Variants in STAG1 observed in about 807,000 individuals in gnomAD.
STAG1 encodes STAG1 cohesin complex component.
A neutral mutation model predicts 170.9 loss-of-function variants in STAG1; 26 were observed. The ratio of observed to expected loss-of-function variants is 0.15; its 90% CI spans 0.11 to 0.21. STAG1 has a LOEUF of 0.21. Ranked by LOEUF, STAG1 falls within the 10% of genes least tolerant of loss-of-function variation. STAG1 has a pLI of 1.00. For missense variants in STAG1, 964 were observed against 1,509.5 expected (o/e 0.64, Z 5.99); for synonymous variants, 514 against 497.7 (o/e 1.03, Z -0.44).
At chr3:136,485,307 A>G (rs141439375) in intron 9 of STAG1, among the ~76,000 whole-genome samples, 13,178 of 152,000 alleles carry the variant, frequency 0.087, 1,878 homozygotes, top group African/African-American at 0.3. Flanking sequence ...AATACAAAAA[A>G]TTAGCTGGGC....
At chr3:136,568,034 G>A (rs1244806792) in intron 5 of STAG1, among the ~76,000 whole-genome samples, 1 of 151,766 alleles carries the variant, frequency 6.6e-6, no homozygotes, top group Non-Finnish European at 1.5e-5. Flanking sequence ...GTGGTGCTCT[G>A]TAAATATTTG....
At chr3:136,615,447 A>AG (rs1939540859) in intron 3 of STAG1, among the ~76,000 whole-genome samples, 1 of 148,972 alleles carries the variant, frequency 6.7e-6, no homozygotes, top group East Asian at 1.9e-4. Flanking sequence ...AAAAAAAAAA[A>AG]AAAAGGAGTG....
intron 21 of STAG1, 64 bp downstream of exon 21, chr3:136,417,821 A>G (rs774812394): frequency 3.3e-5 from 40 of 1,212,238 alleles, no homozygotes; most frequent in Non-Finnish European, 4.6e-5. Flanking sequence ...GCTTCTGATA[A>G]TCATATGACT....
At chr3:136,407,226 A>C (rs1382448532) in intron 21 of STAG1, among the ~76,000 whole-genome samples, 1 of 152,090 alleles carries the variant, frequency 6.6e-6, no homozygotes, top group Non-Finnish European at 1.5e-5. Flanking sequence ...GCATTTTGCC[A>C]TACTGGCCAG....
chr3:136,573,515 T>C (rs909177616), intron 4 of STAG1, among the ~76,000 whole-genome samples: 3 of 152,158 alleles, frequency 2.0e-5, no homozygotes, highest in Admixed American at 6.6e-5. Flanking sequence ...CAGTAACATA[T>C]TTAATGTCCT....
intron 31 of STAG1, among the ~76,000 whole-genome samples, chr3:136,341,198 C>T (rs575191760): frequency 2.0e-5 from 3 of 152,336 alleles, no homozygotes; most frequent in Non-Finnish European, 2.9e-5. Context: ...GCGGAGCCAC[C>T]GCGCCTAGCC....
At chr3:136,347,685 A>G (rs1321336922) in intron 29 of STAG1, among the ~76,000 whole-genome samples, 1 of 152,202 alleles carries the variant, frequency 6.6e-6, no homozygotes, top group Non-Finnish European at 1.5e-5. Flanking sequence ...TGCCTAATTT[A>G]CTGACTGATG....
At chr3:136,668,164 T>C (rs1941856988) in intron 1 of STAG1, among the ~76,000 whole-genome samples, 1 of 151,318 alleles carries the variant, frequency 6.6e-6, no homozygotes, top group South Asian at 2.1e-4. Flanking sequence ...ACCCAGAATA[T>C]GGAGGTTGCA....
rs201246113 is a variant in STAG1 at position 136,350,013 on chromosome 3, A to AC, written c.3066-651dup. Among the ~76,000 whole-genome samples, 1,323 of 152,016 alleles carry AC rather than the reference A, an allele frequency of 8.7e-3. 22 individuals carry two copies. Among genetic ancestry groups the AC allele is most frequent in the African/African-American group, 0.031 (1,266 of 41,478 alleles). On this transcript the variant is annotated intron_variant, in intron 28 of 33. Coordinates refer to ENST00000383202, the MANE Select transcript of STAG1 (RefSeq NM_005862.3). ...AAATTAGCCAGGCGTGGTGGCATGC[A>AC]CCTGTAATCCCAGCTACTCAGGAGG... is the stretch of plus-strand genomic sequence containing the variant.
intron 9 of STAG1, among the ~76,000 whole-genome samples, chr3:136,496,966 C>T (rs1933142047): frequency 6.6e-6 from 1 of 151,598 alleles, no homozygotes; most frequent in African/African-American, 2.4e-5. Context: ...TTATGACCAA[C>T]TTTATGCTGA....
chr3:136,420,861 A>G (rs1576449102), intron 20 of STAG1, among the ~76,000 whole-genome samples: 3 of 151,752 alleles, frequency 2.0e-5, no homozygotes, highest in African/African-American at 7.3e-5. Flanking sequence ...GACAACCCCC[A>G]CCTCCTGGGT....
chr3:136,505,323 G>A (rs1933701394), intron 7 of STAG1, among the ~76,000 whole-genome samples: 1 of 152,148 alleles, frequency 6.6e-6, no homozygotes, highest in African/African-American at 2.4e-5. Context: ...CTATAAAATG[G>A]TAAATATGTT....
At chr3:136,561,467 G>T (rs774161149) in intron 5 of STAG1, among the ~76,000 whole-genome samples, 2 of 152,188 alleles carry the variant, frequency 1.3e-5, no homozygotes, top group African/African-American at 2.4e-5. Context: ...AAATCTGAAA[G>T]AATTTTCCCC....
chr3:136,526,482 C>T (rs537583818), intron 6 of STAG1, among the ~76,000 whole-genome samples: 116 of 152,200 alleles, frequency 7.6e-4, no homozygotes, highest in Admixed American at 2.3e-3. Context: ...TTTGAGCCTA[C>T]GTGTGTCTCT....
At chr3:136,697,466 T>C (rs367622722) in intron 1 of STAG1, among the ~76,000 whole-genome samples, 1 of 152,322 alleles carries the variant, frequency 6.6e-6, no homozygotes, top group East Asian at 1.9e-4. Flanking sequence ...CTCTAAATAA[T>C]TAAATCAGGT....
intron 21 of STAG1, among the ~76,000 whole-genome samples, chr3:136,408,757 T>C (rs558845307): frequency 6.6e-6 from 1 of 152,306 alleles, no homozygotes; most frequent in East Asian, 1.9e-4. Context: ...TGTGTGCTGA[T>C]GAAGAAAAGG....
chr3:136,595,810 A>AATC (rs1013082581), intron 4 of STAG1, among the ~76,000 whole-genome samples: 99 of 151,964 alleles, frequency 6.5e-4, no homozygotes, highest in African/African-American at 2.2e-3. Flanking sequence ...CTGCCCACCA[A>AATC]ATCATCATCT....
Position 136,734,118 on chromosome 3 carries a change from A to AC in STAG1, c.-84+18076_-84+18077insG, listed in dbSNP as rs1171381110. On this transcript the variant is annotated intron_variant, in intron 1 of 33. Coordinates refer to ENST00000383202, the MANE Select transcript of STAG1 (RefSeq NM_005862.3). ...CGAGAGACTCCATCTCAAAAAAAAA[A>AC]AAAAACAAAACAAAACAAAAACAAA... is the stretch of plus-strand genomic sequence containing the variant. Among the ~76,000 whole-genome samples the AC allele has an allele frequency of 1.7e-3, 251 of 151,408 alleles. 1 individual carries two copies. Among genetic ancestry groups the AC allele is most frequent in the Non-Finnish European group, 3.1e-3 (210 of 67,644 alleles).
intron 22 of STAG1, among the ~76,000 whole-genome samples, chr3:136,380,779 G>C (rs550208768): frequency 6.6e-4 from 101 of 151,986 alleles, no homozygotes; most frequent in African/African-American, 2.2e-3. Context: ...GAGCACTTTG[G>C]GAGGCTGAGG....
Sources: gnomAD v4.1 joint callset for allele counts (sites outside exome capture counted in the v4.1 genomes callset) on GRCh38, gnomAD v4.1.1 for gene constraint, MANE v1.5 for transcripts, NCBI Gene and HGNC (gene_info 2026-07-23, HGNC 2026-07-21) for gene names.